Variants in DIAPH3 observed in about 807,000 individuals in gnomAD.
The protein encoded by DIAPH3 is protein diaphanous homolog 3.
DIAPH3 carries 117 observed loss-of-function variants against 144.3 expected under a neutral mutation model. That is an observed-to-expected ratio of 0.81 (90% CI 0.70 to 0.95). The LOEUF (loss-of-function observed/expected upper bound fraction) is 0.95. Among genes scored for constraint, DIAPH3 ranks in the 40% least tolerant of loss-of-function variants. The pLI, the probability that DIAPH3 is intolerant of heterozygous loss-of-function variation, is 0.00. For missense variants in DIAPH3, 1,421 were observed against 1,412.7 expected (o/e 1.01, Z -0.09); for synonymous variants, 519 against 488.9 (o/e 1.06, Z -0.81).
chr13:59,671,127 A>T (rs1009458132), intron 27 of DIAPH3, among the ~76,000 whole-genome samples: 20 of 152,206 alleles, frequency 1.3e-4, no homozygotes, highest in African/African-American at 4.8e-4. Context: ...TTCCATGCAA[A>T]AACATGCACT....
intron 27 of DIAPH3, among the ~76,000 whole-genome samples, chr13:59,701,920 T>A (rs984780220): frequency 6.6e-6 from 1 of 152,196 alleles, no homozygotes; most frequent in Admixed American, 6.5e-5. Context: ...TTAAAACCTC[T>A]GATATTTGAC....
intron 21 of DIAPH3, among the ~76,000 whole-genome samples, chr13:59,864,444 C>A (rs1721167530): frequency 6.6e-6 from 1 of 151,988 alleles, no homozygotes; most frequent in Admixed American, 6.6e-5. Context: ...CTAGTCTACA[C>A]CCTTGTAGAC....
intron 25 of DIAPH3, among the ~76,000 whole-genome samples, chr13:59,798,421 A>C (rs2039724979): frequency 1.3e-5 from 2 of 152,210 alleles, no homozygotes; most frequent in Non-Finnish European, 2.9e-5. Context: ...AGTTCTACCC[A>C]AAGATCAATC....
intron 9 of DIAPH3, among the ~76,000 whole-genome samples, chr13:59,995,429 A>T (rs1284042417): frequency 6.6e-6 from 1 of 151,950 alleles, no homozygotes; most frequent in Non-Finnish European, 1.5e-5. Context: ...AGGAACTTCC[A>T]TCTTCTTGAG....
At chr13:59,805,274 TACTC>T (rs564192259) in intron 25 of DIAPH3, among the ~76,000 whole-genome samples, 14 of 152,130 alleles carry the variant, frequency 9.2e-5, no homozygotes, top group African/African-American at 3.4e-4. Flanking sequence ...TCAACCTACA[TACTC>T]AGGAAGTCTT....
chr13:59,877,250 T>G (rs2044689723), intron 21 of DIAPH3, among the ~76,000 whole-genome samples: 1 of 152,162 alleles, frequency 6.6e-6, no homozygotes, highest in African/African-American at 2.4e-5. Context: ...ATATCTCCCA[T>G]TAGTTGCCTA....
intron 17 of DIAPH3, among the ~76,000 whole-genome samples, chr13:59,935,912 G>A (rs1431133285): frequency 6.6e-6 from 1 of 152,104 alleles, no homozygotes; most frequent in Admixed American, 6.5e-5. Context: ...AAAATTTTGT[G>A]AAACAGATTA....
At chr13:59,691,472 C>T (rs2033518804) in intron 27 of DIAPH3, among the ~76,000 whole-genome samples, 1 of 152,146 alleles carries the variant, frequency 6.6e-6, no homozygotes. Context: ...AAACCTGGCA[C>T]ATTTGAACCA....
At chr13:59,839,185 T>C in intron 23 of DIAPH3, 139 bp downstream of exon 23, 1 of 937,240 alleles carries the variant, frequency 1.1e-6, no homozygotes, top group Non-Finnish European at 1.6e-6. Context: ...TAAATTTCCC[T>C]GCAAGAAGGC....
intron 25 of DIAPH3, among the ~76,000 whole-genome samples, chr13:59,782,508 C>T (rs1364609688): frequency 6.6e-6 from 1 of 151,728 alleles, no homozygotes; most frequent in Non-Finnish European, 1.5e-5. Flanking sequence ...ATGCTATGAG[C>T]CTATTATATT....
intron 21 of DIAPH3, among the ~76,000 whole-genome samples, chr13:59,868,227 C>T (rs1036729888): frequency 3.9e-5 from 6 of 152,104 alleles, no homozygotes; most frequent in Non-Finnish European, 5.9e-5. Context: ...AGCTATGTAA[C>T]TAAACTGCTA....
chr13:59,738,842 A>G (rs578179485), intron 27 of DIAPH3, among the ~76,000 whole-genome samples: 1 of 152,216 alleles, frequency 6.6e-6, no homozygotes, highest in Admixed American at 6.5e-5. Flanking sequence ...ACCACTGTAC[A>G]TATTTACCTA....
At chr13:59,841,140 T>C (rs907364144) in intron 22 of DIAPH3, among the ~76,000 whole-genome samples, 3 of 152,174 alleles carry the variant, frequency 2.0e-5, no homozygotes, top group Admixed American at 2.0e-4. Context: ...AAGTTCTCTA[T>C]CTGCATTACA....
intron 27 of DIAPH3, among the ~76,000 whole-genome samples, chr13:59,750,505 T>C (rs544043008): frequency 1.3e-5 from 2 of 152,352 alleles, no homozygotes; most frequent in South Asian, 2.1e-4. Flanking sequence ...TTGGTAGGTA[T>C]CACTTTGCCT....
chr13:59,967,898 T>C (rs1301205451), intron 17 of DIAPH3, among the ~76,000 whole-genome samples: 2 of 152,170 alleles, frequency 1.3e-5, no homozygotes, highest in Non-Finnish European at 2.9e-5. Flanking sequence ...AAATGTCATC[T>C]ACTGTCACAG....
intron 22 of DIAPH3, chr13:59,861,130 G>T: frequency 9.9e-7 from 1 of 1,005,602 alleles, no homozygotes; most frequent in Non-Finnish European, 1.4e-6. Context: ...AGGAGATTTA[G>T]CAGTAGAAGG....
chr13:59,877,298 T>C (rs1469375432), intron 21 of DIAPH3, among the ~76,000 whole-genome samples: 1 of 152,092 alleles, frequency 6.6e-6, no homozygotes, highest in Non-Finnish European at 1.5e-5. Flanking sequence ...CCTTTCTCTC[T>C]TCTCTGCCAC....
chr13:60,119,065 G>A (rs373335311), intron 2 of DIAPH3, among the ~76,000 whole-genome samples: 3 of 152,260 alleles, frequency 2.0e-5, no homozygotes, highest in South Asian at 2.1e-4. Flanking sequence ...GTGGCAGCCC[G>A]TCTCTAAGAT....
At chr13:59,844,287 G>A (rs941609537) in intron 22 of DIAPH3, among the ~76,000 whole-genome samples, 2 of 151,766 alleles carry the variant, frequency 1.3e-5, no homozygotes, top group Admixed American at 6.6e-5. Context: ...TCCAGATCAC[G>A]AGGTCAGGAC....
Sources: gnomAD v4.1 joint callset for allele counts (sites outside exome capture counted in the v4.1 genomes callset) on GRCh38, gnomAD v4.1.1 for gene constraint, MANE v1.5 for transcripts, NCBI Gene and HGNC (gene_info 2026-07-23, HGNC 2026-07-21) for gene names.